Variants in RNF141 observed in about 807,000 individuals in gnomAD.
RNF141 encodes the protein ring finger protein 141, also known as C3HC4-like zinc finger protein.
In RNF141, 18 loss-of-function variants were observed where a neutral mutation model predicts 27.4. The observed-to-expected ratio is 0.66, with a 90% CI of 0.45 to 0.97. The LOEUF (loss-of-function observed/expected upper bound fraction) is 0.97, where lower values mean the gene tolerates loss of function less well. Among genes scored for constraint, RNF141 ranks in the 50% least tolerant of loss-of-function variants. The pLI, the probability that RNF141 is intolerant of heterozygous loss-of-function variation, is 0.00. For missense variants in RNF141, 230 were observed against 279.4 expected (o/e 0.82, Z 1.26); for synonymous variants, 97 against 96.6 (o/e 1.00, Z -0.02).
rs1849801290 is a variant in RNF141 at position 10,511,724 on chromosome 11, G to A, written c.*3192C>T. 1 of 152,124 alleles carries A rather than the reference G, an allele frequency of 6.6e-6. No homozygotes were observed. The highest frequency in any genetic ancestry group is 2.1e-4 in the South Asian group (1 of 4,828). The allele number at this position is 152,124 out of a possible 1,614,324, so 9.4% of individuals were successfully genotyped here. A position where few individuals can be genotyped will look rare whatever the true frequency, so the allele number is the denominator to read the frequency against. ...CAACTTCCCAATGTTAAAAATCACT[G>A]AATCAAAAGATATTTTCAAGCAGCC... On this transcript the variant is annotated 3_prime_UTR_variant, in exon 6 of 6. Transcript: ENST00000265981.
chr11:10,540,137 C>T (rs965086518), intron 1 of RNF141, among the ~76,000 whole-genome samples: 2 of 152,114 alleles, frequency 1.3e-5, no homozygotes, highest in Non-Finnish European at 2.9e-5. Context: ...CCGGTGGCAG[C>T]TCATGCCCCC....
intron 5 of RNF141, 172 bp from the exon 6 acceptor site, chr11:10,515,238 C>T (rs1187362871): frequency 4.4e-6 from 3 of 687,712 alleles, no homozygotes; most frequent in East Asian, 5.7e-5. Context: ...CCAGGGGCAA[C>T]CACAGTTACC....
chr11:10,534,056 A>C lies in RNF141; in HGVS notation c.103T>G (p.Tyr35Asp), dbSNP rs1413367015. The change falls in exon 2 of 6, where the codon TAT becomes GAT. Residue 35 changes from tyrosine to aspartate, a missense_variant. By Grantham distance (160) the Tyr-to-Asp change is radical. Transcript: ENST00000265981. ...GCTACTCTCCCAAGAAATTCTTCATAAGTTAAGGAGCCACTCTCTCGAACC... is the reference window on the plus strand; with the variant it reads ...GCTACTCTCCCAAGAAATTCTTCATCAGTTAAGGAGCCACTCTCTCGAACC... ...TLVRESGSLT[Y>D]EEFLGRVAEL... is the part of the protein sequence containing the mutation. 6.2e-7 allele frequency: 1 copy of C among 1,613,572 alleles called. No homozygotes were observed. The highest frequency in any genetic ancestry group is 8.5e-7 in the Non-Finnish European group (1 of 1,179,630).
At chr11:10,529,843 G>A (rs2133972676) in intron 3 of RNF141, among the ~76,000 whole-genome samples, 1 of 152,210 alleles carries the variant, frequency 6.6e-6, no homozygotes, top group African/African-American at 2.4e-5. Context: ...TAAACTGGAA[G>A]CAAAACACAG....
chr11:10,537,116 G>A (rs374902877), intron 1 of RNF141, among the ~76,000 whole-genome samples: 1 of 152,212 alleles, frequency 6.6e-6, no homozygotes, highest in East Asian at 1.9e-4. Flanking sequence ...ACTAAGTATA[G>A]TAAGTATAAA....
chr11:10,529,417 T>C lies in RNF141; in HGVS notation c.252+1226A>G, dbSNP rs117826075. 8.7e-3 allele frequency among the ~76,000 whole-genome samples: 1,331 copies of C among 152,276 alleles called. 12 individuals are homozygous for C. Among genetic ancestry groups the C allele is most frequent in the Middle Eastern group, 0.02 (6 of 294 alleles). On this transcript the variant is annotated intron_variant, in intron 3 of 5. Transcript: ENST00000265981. ...CTAATGGAAGGAATGGACATCCTAG[T>C]TGAGAAAACACAATAAGCAGAAGCA...
At chr11:10,527,543 A>G (rs1467455351) in intron 3 of RNF141, among the ~76,000 whole-genome samples, 1 of 150,320 alleles carries the variant, frequency 6.7e-6, no homozygotes, top group African/African-American at 2.4e-5. Flanking sequence ...AGACGGACAG[A>G]GGAAGGAGTG....
intron 1 of RNF141, among the ~76,000 whole-genome samples, chr11:10,537,309 C>T (rs1051086617): frequency 6.6e-6 from 1 of 152,136 alleles, no homozygotes; most frequent in African/African-American, 2.4e-5. Flanking sequence ...GACCTTTAAC[C>T]TAACATTTTA....
intron 1 of RNF141, among the ~76,000 whole-genome samples, chr11:10,539,132 G>A (rs1850062750): frequency 6.6e-6 from 1 of 152,242 alleles, no homozygotes; most frequent in East Asian, 1.9e-4. Context: ...CTAGTGGGTG[G>A]TACATAGTGA....
chr11:10,522,001 A>G (rs1849891689), intron 4 of RNF141, among the ~76,000 whole-genome samples: 1 of 152,242 alleles, frequency 6.6e-6, no homozygotes, highest in Admixed American at 6.5e-5. Flanking sequence ...TTGGGAGTGC[A>G]GTATGAGGGA....
At chr11:10,535,446 T>A (rs1358768834) in intron 1 of RNF141, among the ~76,000 whole-genome samples, 1 of 138,826 alleles carries the variant, frequency 7.2e-6, no homozygotes, top group Admixed American at 7.3e-5. Flanking sequence ...AAGGAAGTTG[T>A]TGAGGAAGAT....
chr11:10,514,661 T>C lies in RNF141; in HGVS notation c.*255A>G. On this transcript the variant is annotated 3_prime_UTR_variant, in exon 6 of 6. Transcript: ENST00000265981. ...CCTTTAGCAAAGAATTCAAGAGCTA[T>C]TAGTTGTAATAATACAAATTTGAAC... is the stretch of plus-strand genomic sequence containing the variant. The C allele has an allele frequency of 3.0e-6, 1 of 330,864 alleles. No homozygotes were observed. Among genetic ancestry groups the C allele is most frequent in the Non-Finnish European group, 5.4e-6 (1 of 184,422 alleles). The allele number at this position is 330,864 out of a possible 1,614,324, so 20.5% of individuals were successfully genotyped here. A position where few individuals can be genotyped will look rare whatever the true frequency, so the allele number is the denominator to read the frequency against.
chr11:10,530,291 C>A (rs1849974138), intron 3 of RNF141, among the ~76,000 whole-genome samples: 1 of 152,010 alleles, frequency 6.6e-6, no homozygotes, highest in Non-Finnish European at 1.5e-5. Flanking sequence ...AAGAAATGAT[C>A]TCAAGATAAC....
At chr11:10,532,496 TACACACACACACACAC>T (rs10559393) in intron 2 of RNF141, among the ~76,000 whole-genome samples, 13 of 131,154 alleles carry the variant, frequency 9.9e-5, no homozygotes, top group South Asian at 2.5e-4. Flanking sequence ...GTTCATTTTC[TACACACACACACACAC>T]ACACACACAC....
At chr11:10,526,204 C>G (rs1419689336) in intron 3 of RNF141, among the ~76,000 whole-genome samples, 1 of 151,922 alleles carries the variant, frequency 6.6e-6, no homozygotes, top group African/African-American at 2.4e-5. Context: ...AAGAAGTAAG[C>G]CATGAAATCT....
rs1849814716 is a variant in RNF141, at chr11:10,513,077, T to C, written c.*1839A>G. 1 of 152,188 alleles carries C rather than the reference T, an allele frequency of 6.6e-6. No individual in the cohort carries two copies. The highest frequency in any genetic ancestry group is 1.5e-5 in the Non-Finnish European group (1 of 68,028). The allele number at this position is 152,188 out of a possible 1,614,324, so 9.4% of individuals were successfully genotyped here. ...GAACACATAAACAAGAGTAAGAGAC[T>C]TTCTCAAGGTCACACAACCACCAAG... is the stretch of plus-strand genomic sequence containing the variant. On this transcript the variant is annotated 3_prime_UTR_variant, in exon 6 of 6. Coordinates refer to ENST00000265981, the MANE Select transcript of RNF141 (RefSeq NM_016422.4).
chr11:10,527,866 G>C (rs891809705), intron 3 of RNF141, among the ~76,000 whole-genome samples: 2 of 151,994 alleles, frequency 1.3e-5, no homozygotes, highest in African/African-American at 4.8e-5. Context: ...TAGATGGTGA[G>C]AGCTAGCCAG....
chr11:10,539,548 C>T (rs920116940), intron 1 of RNF141, among the ~76,000 whole-genome samples: 1 of 150,052 alleles, frequency 6.7e-6, no homozygotes, highest in East Asian at 1.9e-4. Context: ...TTTACTCAAA[C>T]TGTAGATCTG....
At chr11:10,524,813 T>C (rs1045018862) in intron 4 of RNF141, among the ~76,000 whole-genome samples, 1 of 150,968 alleles carries the variant, frequency 6.6e-6, no homozygotes, top group Non-Finnish European at 1.5e-5. Context: ...AGACATTTTT[T>C]AAAAAAAGTG....
Sources: gnomAD v4.1 joint callset for allele counts (sites outside exome capture counted in the v4.1 genomes callset) on GRCh38, gnomAD v4.1.1 for gene constraint, MANE v1.5 for transcripts, NCBI Gene and HGNC (gene_info 2026-07-23, HGNC 2026-07-21) for gene names.